Variants in EEF1AKMT2 observed in about 807,000 individuals in gnomAD.
The protein encoded by EEF1AKMT2 is eukaryotic translation elongation factor 1 alpha lysine methyltransferase 2.
Under a neutral mutation model 35.8 loss-of-function variants are expected in EEF1AKMT2, and 32 were observed. The observed-to-expected ratio is 0.89, with a 90% confidence interval of 0.67 to 1.20. The LOEUF is 1.20. EEF1AKMT2 is among the 50% of genes most tolerant of loss of function. EEF1AKMT2 has a pLI of 0.00. For synonymous variants in EEF1AKMT2, 121 were observed against 133.7 expected (o/e 0.91, Z 0.65); for missense variants, 330 against 347.5 (o/e 0.95, Z 0.40).
chr10:124,786,568 G>T (rs115410091), intron 3 of EEF1AKMT2, among the ~76,000 whole-genome samples: 3 of 151,046 alleles, frequency 2.0e-5, no homozygotes, highest in South Asian at 4.2e-4. Context: ...CCAGCACTCC[G>T]GGAGGCTGAG....
At chr10:124,764,838 A>T (rs1483374930) in intron 5 of EEF1AKMT2, among the ~76,000 whole-genome samples, 1 of 152,250 alleles carries the variant, frequency 6.6e-6, no homozygotes, top group African/African-American at 2.4e-5. Context: ...TTTTTGTTTG[A>T]TTCTATAAAT....
intron 3 of EEF1AKMT2, among the ~76,000 whole-genome samples, chr10:124,783,275 T>G (rs902858465): frequency 6.6e-6 from 1 of 151,044 alleles, no homozygotes; most frequent in Admixed American, 6.6e-5. Flanking sequence ...TGAGTAGCTG[T>G]GACTACTCAG....
intron 3 of EEF1AKMT2, among the ~76,000 whole-genome samples, chr10:124,785,498 G>C (rs1950576767): frequency 6.6e-6 from 1 of 152,096 alleles, no homozygotes; most frequent in East Asian, 1.9e-4. Context: ...CTTGTACCTG[G>C]TGAAGAACTT....
intron 3 of EEF1AKMT2, among the ~76,000 whole-genome samples, chr10:124,777,490 T>A (rs1255534408): frequency 6.6e-6 from 1 of 151,920 alleles, no homozygotes; most frequent in East Asian, 1.9e-4. Flanking sequence ...TGGAGGCAAC[T>A]GTAGCACGAT....
At chr10:124,772,490 G>A (rs1224561521) in intron 4 of EEF1AKMT2, among the ~76,000 whole-genome samples, 22 of 134,184 alleles carry the variant, frequency 1.6e-4, no homozygotes, top group African/African-American at 4.4e-4. Context: ...GTGCAGTTGC[G>A]CGATCTTGGC....
intron 3 of EEF1AKMT2, among the ~76,000 whole-genome samples, chr10:124,786,889 T>G (rs573558590): frequency 1.1e-4 from 16 of 151,818 alleles, no homozygotes; most frequent in African/African-American, 3.9e-4. Flanking sequence ...CCTCTACCAG[T>G]AAACTATTAA....
intron 3 of EEF1AKMT2, among the ~76,000 whole-genome samples, chr10:124,779,192 G>A (rs1049328039): frequency 9.2e-5 from 14 of 151,880 alleles, no homozygotes; most frequent in African/African-American, 2.4e-4. Context: ...ATGCAACAGC[G>A]TGATCACAGC....
intron 4 of EEF1AKMT2, among the ~76,000 whole-genome samples, chr10:124,769,965 A>G (rs1236416024): frequency 2.7e-5 from 4 of 149,676 alleles, no homozygotes; most frequent in African/African-American, 4.9e-5. Context: ...AAAAAAAAAA[A>G]AAAAAATTGG....
At chr10:124,777,956 A>G (rs1377206570) in intron 3 of EEF1AKMT2, among the ~76,000 whole-genome samples, 2 of 152,170 alleles carry the variant, frequency 1.3e-5, no homozygotes, top group East Asian at 3.9e-4. Context: ...ATATACATAC[A>G]CACACACACA....
chr10:124,756,431 G>C (rs1003685823), downstream of EEF1AKMT2, among the ~76,000 whole-genome samples: 1 of 152,172 alleles, frequency 6.6e-6, no homozygotes, highest in African/African-American at 2.4e-5. Context: ...AAGCAGGATA[G>C]GATATTGATA....
At chr10:124,788,921 C>T in intron 3 of EEF1AKMT2, 122 bp downstream of exon 3, 1 of 660,552 alleles carries the variant, frequency 1.5e-6, no homozygotes. Context: ...TACTATCTGA[C>T]TTCTCCAAGT....
At chr10:124,791,241 C>A (rs1347001490) in intron 1 of EEF1AKMT2, among the ~76,000 whole-genome samples, 1 of 151,978 alleles carries the variant, frequency 6.6e-6, no homozygotes, top group Non-Finnish European at 1.5e-5. Context: ...CTTTCTTTCA[C>A]CCCAAGATCC....
chr10:124,790,892 G>A (rs541661767), intron 1 of EEF1AKMT2, among the ~76,000 whole-genome samples: 2 of 152,300 alleles, frequency 1.3e-5, no homozygotes, highest in African/African-American at 4.8e-5. Context: ...AGCCTCCCGA[G>A]TAGCTGGGAC....
At chr10:124,789,473 T>C (rs1950615746) in intron 2 of EEF1AKMT2, among the ~76,000 whole-genome samples, 1 of 152,042 alleles carries the variant, frequency 6.6e-6, no homozygotes, top group Admixed American at 6.6e-5. Flanking sequence ...AACGTAAATG[T>C]GAGATATTAA....
At chr10:124,777,752 T>G (rs1026208575) in intron 3 of EEF1AKMT2, among the ~76,000 whole-genome samples, 1 of 152,036 alleles carries the variant, frequency 6.6e-6, no homozygotes, top group Non-Finnish European at 1.5e-5. Context: ...AAGCTGGTCT[T>G]GAACTCCTGA....
intron 4 of EEF1AKMT2, among the ~76,000 whole-genome samples, chr10:124,774,456 C>T (rs1452904334): frequency 7.2e-6 from 1 of 138,794 alleles, no homozygotes; most frequent in East Asian, 2.3e-4. Flanking sequence ...TGTGTATTTG[C>T]AAACATCAGG....
At chr10:124,772,763 T>C (rs769324552) in intron 4 of EEF1AKMT2, among the ~76,000 whole-genome samples, 4 of 152,192 alleles carry the variant, frequency 2.6e-5, no homozygotes, top group Non-Finnish European at 5.9e-5. Context: ...ATGAACTAAC[T>C]ACTGCTAGCT....
intron 2 of EEF1AKMT2, 34 bp from the exon 3 acceptor site, chr10:124,789,191 T>C (rs1950613859): frequency 6.9e-7 from 1 of 1,456,584 alleles, no homozygotes; most frequent in African/African-American, 1.4e-5. Context: ...AACTGAGGGA[T>C]ACAGAGCAAA....
chr10:124,771,820 G>C (rs1950439714), intron 4 of EEF1AKMT2, among the ~76,000 whole-genome samples: 1 of 152,140 alleles, frequency 6.6e-6, no homozygotes, highest in Non-Finnish European at 1.5e-5. Flanking sequence ...AGTGAGCTGA[G>C]ATCGAGTCAC....
Sources: gnomAD v4.1 joint callset for allele counts (sites outside exome capture counted in the v4.1 genomes callset) on GRCh38, gnomAD v4.1.1 for gene constraint, MANE v1.5 for transcripts, NCBI Gene and HGNC (gene_info 2026-07-23, HGNC 2026-07-21) for gene names.